The following GPHN variants were observed in gnomAD, a reference collection of about 807,000 sequenced individuals.
GPHN encodes gephyrin.
A neutral mutation model predicts 95.5 loss-of-function variants in GPHN; 17 were observed. That is an observed-to-expected ratio of 0.18 (90% confidence interval 0.12 to 0.27). The LOEUF is 0.27. GPHN is among the 10% of genes least tolerant of loss of function. The pLI, the probability that GPHN is intolerant of heterozygous loss-of-function variation, is 1.00. For synonymous variants in GPHN, 320 were observed against 322.5 expected (o/e 0.99, Z 0.08); for missense variants, 660 against 978.1 (o/e 0.67, Z 4.34).
intron 1 of GPHN, among the ~76,000 whole-genome samples, chr14:66,525,792 T>A (rs2058667994): frequency 6.6e-6 from 1 of 152,118 alleles, no homozygotes; most frequent in Non-Finnish European, 1.5e-5. Flanking sequence ...AATAAAATGG[T>A]TGTAGATGTG....
the GPHN span, among the ~76,000 whole-genome samples, chr14:67,565,210 G>A: frequency 1.3e-5 from 2 of 151,958 alleles, no homozygotes; most frequent in Non-Finnish European, 2.9e-5. Flanking sequence ...ACTTGCCCAA[G>A]GTCATGTAGT....
At chr14:66,663,982 C>G (rs961218107) in intron 1 of GPHN, among the ~76,000 whole-genome samples, 6 of 152,110 alleles carry the variant, frequency 3.9e-5, no homozygotes, top group Admixed American at 3.9e-4. Context: ...ATTCATAAAC[C>G]AAGTTATTAG....
In GPHN at chr14:67,023,670, G is replaced by A. The variant is rs915832295; in HGVS notation, c.1001G>A (p.Arg334Lys). ...SRCSSKENILRASHSAVDITK... is the reference protein window; with the variant it reads ...SRCSSKENILKASHSAVDITK... ...TGCAGCAGCAAGGAGAACATTCTCA[G>A]AGCCAGTAAGTATTTTACCATTTCT... The change falls in exon 10 of 23, where the codon AGA (arginine) becomes AAA (lysine). Residue 334 changes from arginine (R) to lysine (K), a missense_variant. Around this residue, in one of 6 missense-constraint regions of GPHN, gnomAD observed 190 missense variants for 224.7 expected, o/e 0.85. Coordinates refer to ENST00000478722, the MANE Select transcript of GPHN (RefSeq NM_020806.5). The A allele has an allele frequency of 6.2e-7, 1 of 1,612,440 alleles. No individual in the cohort carries two copies.
chr14:67,473,543 C>G, the GPHN span: 5 of 1,613,978 alleles, frequency 3.1e-6, no homozygotes, highest in Middle Eastern at 3.3e-4. The surrounding 1 kb of genome is among the most constrained non-coding windows in gnomAD (Gnocchi z 6.5). Flanking sequence ...TGATGAGGGC[C>G]CCGCAGAACC....
At chr14:67,589,995 A>T in the GPHN span, 2 of 1,464,502 alleles carry the variant, frequency 1.4e-6, no homozygotes, top group South Asian at 2.8e-5. Context: ...TGTCCACCTG[A>T]TGGTTTGGAG....
the GPHN span, among the ~76,000 whole-genome samples, chr14:67,541,116 G>A: frequency 1.3e-5 from 2 of 152,160 alleles, no homozygotes; most frequent in African/African-American, 2.4e-5. Flanking sequence ...TGGATGATTC[G>A]ATGATAACAA....
At chr14:66,996,029 A>G (rs977527479) in intron 9 of GPHN, 8 of 553,698 alleles carry the variant, frequency 1.4e-5, no homozygotes, top group Admixed American at 1.3e-4. Flanking sequence ...GAGTCTTGAC[A>G]TGTTTTCAAA....
At chr14:67,396,830 A>G in the GPHN span, among the ~76,000 whole-genome samples, 3 of 152,252 alleles carry the variant, frequency 2.0e-5, no homozygotes, top group African/African-American at 2.4e-5. Flanking sequence ...TGCTTTCCCA[A>G]TAAAATCAGC....
intron 4 of GPHN, among the ~76,000 whole-genome samples, chr14:66,841,860 G>T (rs1337358280): frequency 6.6e-6 from 1 of 152,016 alleles, no homozygotes; most frequent in Admixed American, 6.6e-5. Context: ...GGACAACCGG[G>T]TGAAACCCTG....
chr14:67,179,733 A>G (rs2083223133), intron 22 of GPHN, 59 bp downstream of exon 22: 2 of 879,080 alleles, frequency 2.3e-6, no homozygotes, highest in East Asian at 4.8e-5. Flanking sequence ...ACACAAACTT[A>G]TATATAATCT....
At chr14:67,385,011 T>C in the GPHN span, 2 of 152,228 alleles carry the variant, frequency 1.3e-5, no homozygotes, top group Non-Finnish European at 2.9e-5. Flanking sequence ...TTTGTTATAC[T>C]TCAAAAGCCA....
intron 2 of GPHN, among the ~76,000 whole-genome samples, chr14:66,762,429 C>T (rs1451914767): frequency 6.6e-6 from 1 of 151,942 alleles, no homozygotes; most frequent in African/African-American, 2.4e-5. Context: ...ATATTATGGT[C>T]GATATCTTTA....
chr14:67,733,630 G>GTATTTT, the GPHN span: 3 of 696,956 alleles, frequency 4.3e-6, no homozygotes, highest in Non-Finnish European at 7.7e-6. Flanking sequence ...TAGTTTCTTT[G>GTATTTT]AGTCTGGCAT....
At chr14:66,977,303 C>T (rs565224508) in intron 9 of GPHN, among the ~76,000 whole-genome samples, 100 of 151,998 alleles carry the variant, frequency 6.6e-4, no homozygotes, top group African/African-American at 2.1e-3. Flanking sequence ...TGGTGGTGGG[C>T]GCCTGTAGTC....
At chr14:67,553,444 G>A in the GPHN span, among the ~76,000 whole-genome samples, 3 of 152,070 alleles carry the variant, frequency 2.0e-5, no homozygotes, top group Non-Finnish European at 4.4e-5. Context: ...AGGATCCTGG[G>A]GCAGCTCACA....
intron 1 of GPHN, among the ~76,000 whole-genome samples, chr14:66,633,005 C>T (rs990411268): frequency 3.3e-5 from 5 of 152,178 alleles, no homozygotes; most frequent in African/African-American, 1.2e-4. Flanking sequence ...CAGGCCAGGC[C>T]TTCTTCACAA....
chr14:66,592,903 T>G lies in GPHN; in HGVS notation c.64+84312T>G, dbSNP rs1050754279. Among the ~76,000 whole-genome samples, 7 of 152,224 alleles carry G rather than the reference T, an allele frequency of 4.6e-5. 1 individual carries two copies. In the East Asian group the frequency reaches 1.3e-3, roughly 29 times the overall value. ...AGCAAAGACTTAGAACCAACCCAAG[T>G]GTCCATCAGTGAAAGACTGGATAAA... is the stretch of plus-strand genomic sequence containing the variant. On this transcript the variant is annotated intron_variant, in intron 1 of 22. Transcript: ENST00000478722.
the GPHN span, chr14:67,578,475 T>C: frequency 4.3e-6 from 5 of 1,173,236 alleles, no homozygotes; most frequent in Non-Finnish European, 6.3e-6. This position sits in a 1 kb window ranked among gnomAD's most constrained non-coding sequence, Gnocchi z 5.0. Context: ...CTCAGGGCTA[T>C]GAGGACAGGT....
chr14:67,642,439 T>C, the GPHN span: 1 of 1,502,996 alleles, frequency 6.7e-7, no homozygotes, highest in Admixed American at 2.1e-5. Flanking sequence ...TCTTTATCTG[T>C]TTCTTCATCT....
Sources: allele counts gnomAD v4.1 joint callset (sites outside exome capture counted in the v4.1 genomes callset), GRCh38; gene constraint gnomAD v4.1.1; regional missense constraint gnomAD v4.1.1; non-coding constraint Gnocchi (gnomAD v3.1); transcripts MANE v1.5; gene names NCBI Gene and HGNC (gene_info 2026-07-23, HGNC 2026-07-21).